The following SLC10A6 variants were observed in gnomAD, a reference collection of about 807,000 sequenced individuals.
SLC10A6 encodes the protein solute carrier family 10 member 6.
SLC10A6 carries 27 observed loss-of-function variants against 30.0 expected under a neutral mutation model. That is an observed-to-expected ratio of 0.90 (90% confidence interval 0.66 to 1.24). SLC10A6 has a LOEUF of 1.24. SLC10A6 is among the 50% of genes most tolerant of loss of function. The pLI is 0.00. For missense variants in SLC10A6, 439 were observed against 457.0 expected (o/e 0.96, Z 0.36); for synonymous variants, 166 against 173.8 (o/e 0.95, Z 0.36).
chr4:86,824,025 A>T, intron 5 of SLC10A6, 123 bp from the exon 6 acceptor site: 1 of 775,382 alleles, frequency 1.3e-6, no homozygotes. Flanking sequence ...ATAAACACCC[A>T]GGGAAAAGAA....
chr4:86,838,542 A>T (rs1746237235), intron 1 of SLC10A6, among the ~76,000 whole-genome samples: 1 of 152,230 alleles, frequency 6.6e-6, no homozygotes, highest in Admixed American at 6.5e-5. Flanking sequence ...GAACATTGGT[A>T]AAAATCTTAC....
chr4:86,848,924 T>C lies in SLC10A6; in HGVS notation c.192A>G (p.Arg64=). The change falls in exon 1 of 6, where the codon AGA becomes AGG. Residue 64 remains arginine (R), a synonymous_variant. Coordinates refer to ENST00000273905, the MANE Select transcript of SLC10A6 (RefSeq NM_197965.3). ...EIRKLWSHIR[R]PWGIAVGLLC... ...GCAGTCCCACAGCAATGCCCCAGGG[T>C]CTCCTGATGTGCGACCACAGCTTCC... The C allele has an allele frequency of 6.2e-7, 1 of 1,613,914 alleles. No individual in the cohort carries two copies.
At chr4:86,830,842 TA>T (rs1746065248) in intron 3 of SLC10A6, among the ~76,000 whole-genome samples, 1 of 152,226 alleles carries the variant, frequency 6.6e-6, no homozygotes, top group Admixed American at 6.5e-5. Context: ...GAAACATTTT[TA>T]AAATCTTCAT....
chr4:86,842,854 CTTTCTTTCTTT>C (rs1746324999), intron 1 of SLC10A6, among the ~76,000 whole-genome samples: 1 of 32,542 alleles, frequency 3.1e-5, no homozygotes, highest in African/African-American at 2.2e-4. Flanking sequence ...TTCTTTCTTT[CTTTCTTTCTTT>C]CTTTCTTTCT....
At chr4:86,842,545 A>G (rs922773697) in intron 1 of SLC10A6, among the ~76,000 whole-genome samples, 2 of 152,168 alleles carry the variant, frequency 1.3e-5, no homozygotes, top group African/African-American at 4.8e-5. Flanking sequence ...ATAAAAAATT[A>G]GCTGGGTATG....
At chr4:86,823,970 A>G (rs1745932064) in intron 5 of SLC10A6, 68 bp from the exon 6 acceptor site, 2 of 1,393,824 alleles carry the variant, frequency 1.4e-6, no homozygotes, top group Admixed American at 4.2e-5. Context: ...GACACTGTAC[A>G]CTTGTCAATC....
Position 86,848,899 on chromosome 4 carries a change from G to A in SLC10A6, c.217C>T (p.Leu73Phe). Reference sequence around the variant, plus strand: ...AAAGGCATGAGCCCAAACTGGCAGAGCAGTCCCACAGCAATGCCCCAGGGT... The same window carrying A: ...AAAGGCATGAGCCCAAACTGGCAGAACAGTCCCACAGCAATGCCCCAGGGT... The part of the protein sequence containing the change: ...RRPWGIAVGL[L>F]CQFGLMPFTA... The change falls in exon 1 of 6, where the codon CTC becomes TTC. Residue 73 changes from leucine to phenylalanine, a missense_variant. Transcript: ENST00000273905. 5 of 1,614,230 alleles carry A rather than the reference G, an allele frequency of 3.1e-6. No individual in the cohort carries two copies. The highest frequency in any genetic ancestry group is 4.2e-6 in the Non-Finnish European group (5 of 1,180,046).
intron 1 of SLC10A6, among the ~76,000 whole-genome samples, chr4:86,835,154 G>C (rs1746158778): frequency 6.6e-6 from 1 of 152,176 alleles, no homozygotes. Context: ...AGTATGAAGT[G>C]TTAATAAATA....
chr4:86,824,033 GAA>G (rs1438921674), intron 5 of SLC10A6, 131 bp from the exon 6 acceptor site: 9 of 765,972 alleles, frequency 1.2e-5, no homozygotes, highest in Non-Finnish European at 1.6e-5. Context: ...CCAGGGAAAA[GAA>G]GGGGGAAAGA....
chr4:86,842,739 C>A lies in SLC10A6; in HGVS notation c.377+6000G>T, dbSNP rs529777023. Among the ~76,000 whole-genome samples, 59 of 148,262 alleles carry A rather than the reference C, an allele frequency of 4.0e-4. 2 individuals are homozygous for A. In the East Asian group the frequency reaches 4.5e-3, roughly 11 times the overall value. ...AAAGAAAAGAAAAGAAAAGAAAAGA[C>A]AAGACAGTGGGAGCTGTCCTGAGTT... On this transcript the variant is annotated intron_variant, in intron 1 of 5. Coordinates refer to ENST00000273905, the MANE Select transcript of SLC10A6 (RefSeq NM_197965.3).
At chr4:86,842,850 CTTTCTTTCTTTCTTTCTTTCTTTCTTTT>C (rs1188399288) in intron 1 of SLC10A6, among the ~76,000 whole-genome samples, 9 of 34,194 alleles carry the variant, frequency 2.6e-4, no homozygotes, top group South Asian at 1.2e-3. Flanking sequence ...TTCTTTCTTT[CTTTCTTTCTTTCTTTCTTTCTTTCTTTT>C]TTTTTTTGAG....
intron 1 of SLC10A6, among the ~76,000 whole-genome samples, chr4:86,846,778 TACATA>T (rs1336269344): frequency 2.6e-5 from 4 of 152,116 alleles, no homozygotes; most frequent in African/African-American, 4.8e-5. Context: ...TACATATATA[TACATA>T]TATATACAGT....
chr4:86,831,340 A>ATG (rs1746077834), intron 3 of SLC10A6, among the ~76,000 whole-genome samples: 1 of 152,180 alleles, frequency 6.6e-6, no homozygotes, highest in African/African-American at 2.4e-5. Flanking sequence ...TGTACAAACA[A>ATG]CAGCTTTGGC....
At chr4:86,843,859 G>A (rs1303917609) in intron 1 of SLC10A6, among the ~76,000 whole-genome samples, 5 of 152,120 alleles carry the variant, frequency 3.3e-5, no homozygotes, top group East Asian at 1.9e-4. Flanking sequence ...AACAGCTCAC[G>A]ATGTAGGAAT....
chr4:86,831,190 G>C lies in SLC10A6; in HGVS notation c.585+602C>G, dbSNP rs558142737. On this transcript the variant is annotated intron_variant, in intron 3 of 5. Coordinates refer to ENST00000273905, the MANE Select transcript of SLC10A6 (RefSeq NM_197965.3). The stretch of plus-strand genomic sequence containing the variant: ...ACAAAGACATTTGCTTGTTTCTCCA[G>C]CAGACAAAGGGCAGGACTGCAAAGA... Among the ~76,000 whole-genome samples, 4 of 152,296 alleles carry C rather than the reference G, an allele frequency of 2.6e-5. No individual in the cohort carries two copies. In the East Asian group the frequency reaches 7.7e-4, roughly 29 times the overall value.
At chr4:86,842,786 T>TTTTCTCTCTTTCTTTCTTTCTTTCTTTC in intron 1 of SLC10A6, among the ~76,000 whole-genome samples, 1 of 106,718 alleles carries the variant, frequency 9.4e-6, no homozygotes, top group Non-Finnish European at 1.9e-5. Flanking sequence ...TGGACACCTC[T>TTTTCTCTCTTTCTTTCTTTCTTTCTTTC]TTTCTTTCTT....
intron 1 of SLC10A6, among the ~76,000 whole-genome samples, chr4:86,838,923 A>C: frequency 6.6e-6 from 1 of 151,198 alleles, no homozygotes; most frequent in African/African-American, 2.4e-5. Context: ...AAAAAAAAAA[A>C]AAAAAAAAAA....
chr4:86,837,472 G>T, intron 1 of SLC10A6: 2 of 296,982 alleles, frequency 6.7e-6, no homozygotes, highest in South Asian at 1.3e-4. Context: ...AGAGCTGGGA[G>T]GTTATATTTC....
At chr4:86,843,809 T>C (rs1746347658) in intron 1 of SLC10A6, among the ~76,000 whole-genome samples, 1 of 152,168 alleles carries the variant, frequency 6.6e-6, no homozygotes, top group Non-Finnish European at 1.5e-5. Context: ...CCAAGTGAGA[T>C]TCTAAGCACT....
Sources: allele counts gnomAD v4.1 joint callset (sites outside exome capture counted in the v4.1 genomes callset), GRCh38; gene constraint gnomAD v4.1.1; transcripts MANE v1.5; gene names NCBI Gene and HGNC (gene_info 2026-07-23, HGNC 2026-07-21).